The following GBE1 variants were observed in gnomAD, a reference collection of about 807,000 sequenced individuals.
GBE1 encodes 1,4-alpha-glucan-branching enzyme.
Under a neutral mutation model 88.8 loss-of-function variants are expected in GBE1, and 70 were observed. The observed-to-expected ratio is 0.79, with a 90% CI of 0.65 to 0.96. The LOEUF (loss-of-function observed/expected upper bound fraction) is 0.96, where lower values mean the gene tolerates loss of function less well. Among genes scored for constraint, GBE1 ranks in the 40% least tolerant of loss-of-function variants. The pLI is 0.00. For missense variants in GBE1, 872 were observed against 871.0 expected (o/e 1.00, Z -0.01); for synonymous variants, 284 against 300.1 (o/e 0.95, Z 0.56).
intron 14 of GBE1, among the ~76,000 whole-genome samples, chr3:81,532,476 T>C (rs565279217): frequency 6.6e-6 from 1 of 152,086 alleles, no homozygotes; most frequent in African/African-American, 2.4e-5. Flanking sequence ...GGGTTTCGTA[T>C]ACTTTTTCTA....
At chr3:81,742,132 G>A (rs1292696245) in intron 1 of GBE1, among the ~76,000 whole-genome samples, 92 of 151,744 alleles carry the variant, frequency 6.1e-4, no homozygotes, top group Non-Finnish European at 1.2e-4. Context: ...GAGTAGCTTC[G>A]AGAGCCTCTA....
intron 1 of GBE1, among the ~76,000 whole-genome samples, chr3:81,705,960 T>C (rs1248915183): frequency 6.6e-6 from 1 of 152,108 alleles, no homozygotes; most frequent in Non-Finnish European, 1.5e-5. Context: ...ATCTCTCTCC[T>C]CTGATTCCTA....
At chr3:81,754,815 C>A (rs1041777171) in intron 1 of GBE1, among the ~76,000 whole-genome samples, 1 of 152,022 alleles carries the variant, frequency 6.6e-6, no homozygotes, top group Non-Finnish European at 1.5e-5. Flanking sequence ...TCATCATACA[C>A]AAAAATCAAA....
chr3:81,643,595 C>T (rs1480444585), intron 6 of GBE1, among the ~76,000 whole-genome samples: 1 of 152,104 alleles, frequency 6.6e-6, no homozygotes, highest in Admixed American at 6.6e-5. Flanking sequence ...AGAAGAATGC[C>T]TTTCTTAACC....
At chr3:81,707,131 T>C (rs1705788890) in intron 1 of GBE1, among the ~76,000 whole-genome samples, 1 of 152,006 alleles carries the variant, frequency 6.6e-6, no homozygotes, top group Non-Finnish European at 1.5e-5. Flanking sequence ...GCATACAATG[T>C]TTTAAGAAAG....
Position 81,499,183 on chromosome 3 carries a change from T to C in GBE1, c.1979A>G (p.His660Arg), listed in dbSNP as rs372608786. 1 of 1,612,044 alleles carries C rather than the reference T, an allele frequency of 6.2e-7. No individual in the cohort carries two copies. The highest frequency in any genetic ancestry group is 8.5e-7 in the Non-Finnish European group (1 of 1,178,888). ...LDSDAAEYGG[H>R]QRLDHSTDFF... ...GTCAGTGCTGTGGTCCAGTCTCTGA[T>C]GCCCTCCATATTCCGCTGCATCTGA... is the stretch of plus-strand genomic sequence containing the variant. The change falls in exon 15 of 16, where the codon CAT becomes CGT. Residue 660 changes from histidine to arginine, a missense_variant. His to Arg is a conservative substitution (Grantham distance 29, BLOSUM62 0). Coordinates refer to ENST00000429644, the MANE Select transcript of GBE1 (RefSeq NM_000158.4).
Position 81,704,058 on chromosome 3 carries a change from T to C in GBE1, c.313+1386A>G, listed in dbSNP as rs779713148. Among the ~76,000 whole-genome samples the C allele has an allele frequency of 1.2e-4, 18 of 152,016 alleles. 1 individual carries two copies. Among genetic ancestry groups the C allele is most frequent in the Non-Finnish European group, 5.9e-5 (4 of 67,940 alleles). ...ACTTACCATCTTAATTAAGACTTGC[T>C]GTACCCAGATTTCAAAGATGTGGTA... is the stretch of plus-strand genomic sequence containing the variant. On this transcript the variant is annotated intron_variant, in intron 2 of 15. Coordinates refer to ENST00000429644, the MANE Select transcript of GBE1 (RefSeq NM_000158.4).
At chr3:81,526,684 A>G (rs967088807) in intron 14 of GBE1, among the ~76,000 whole-genome samples, 1 of 152,172 alleles carries the variant, frequency 6.6e-6, no homozygotes. Context: ...GACCTCTTTA[A>G]GGAGAACTAC....
At chr3:81,751,863 A>T (rs568163643) in intron 1 of GBE1, among the ~76,000 whole-genome samples, 1 of 152,336 alleles carries the variant, frequency 6.6e-6, no homozygotes, top group Non-Finnish European at 1.5e-5. Context: ...AATTAAATAT[A>T]ACCTGTGGCT....
intron 3 of GBE1, among the ~76,000 whole-genome samples, chr3:81,666,312 A>T (rs1226082600): frequency 6.6e-6 from 1 of 152,216 alleles, no homozygotes; most frequent in Non-Finnish European, 1.5e-5. Flanking sequence ...GCCATTAATG[A>T]TTATAAGAAG....
intron 7 of GBE1, among the ~76,000 whole-genome samples, chr3:81,626,733 T>C (rs1388976570): frequency 2.1e-5 from 2 of 95,484 alleles, no homozygotes; most frequent in African/African-American, 6.1e-5. Flanking sequence ...ATGTTCAGAC[T>C]CATTAAAAAA....
chr3:81,713,203 G>C (rs1007851715), intron 1 of GBE1, among the ~76,000 whole-genome samples: 23 of 152,340 alleles, frequency 1.5e-4, no homozygotes, highest in African/African-American at 5.5e-4. Flanking sequence ...TAGTGATTTT[G>C]ACTGGAAGAA....
intron 12 of GBE1, among the ~76,000 whole-genome samples, chr3:81,553,555 T>G (rs1307059087): frequency 6.6e-6 from 1 of 151,122 alleles, no homozygotes; most frequent in South Asian, 2.1e-4. Context: ...CTTCCATTAG[T>G]AGACTATGTA....
chr3:81,598,917 T>C (rs1274486942), intron 7 of GBE1, among the ~76,000 whole-genome samples: 1 of 152,072 alleles, frequency 6.6e-6, no homozygotes, highest in African/African-American at 2.4e-5. Context: ...TGTGCAACTT[T>C]ATTTTATGTA....
intron 1 of GBE1, among the ~76,000 whole-genome samples, chr3:81,760,262 G>A (rs1706660750): frequency 6.6e-6 from 1 of 152,336 alleles, no homozygotes; most frequent in South Asian, 2.1e-4. Context: ...CCCTAGAGCA[G>A]TGTTTTATTT....
chr3:81,636,201 T>G (rs1358119865), intron 7 of GBE1, among the ~76,000 whole-genome samples: 1 of 152,180 alleles, frequency 6.6e-6, no homozygotes, highest in African/African-American at 2.4e-5. Flanking sequence ...CAGAAGAGAA[T>G]TAGTCTGTCT....
At chr3:81,703,148 C>T (rs939099560) in intron 2 of GBE1, among the ~76,000 whole-genome samples, 2 of 151,890 alleles carry the variant, frequency 1.3e-5, no homozygotes, top group Admixed American at 1.3e-4. Flanking sequence ...AATAGAATGC[C>T]TTGATTATAG....
chr3:81,641,751 C>G (rs1311565930), intron 7 of GBE1, among the ~76,000 whole-genome samples: 1 of 151,646 alleles, frequency 6.6e-6, no homozygotes, highest in Admixed American at 6.6e-5. Context: ...TATAAGTCAT[C>G]TAATTTAGGT....
intron 14 of GBE1, among the ~76,000 whole-genome samples, chr3:81,525,624 T>A (rs2106853460): frequency 6.6e-6 from 1 of 152,258 alleles, no homozygotes; most frequent in South Asian, 2.1e-4. Flanking sequence ...CTTGTCCTTG[T>A]ACCTCTGGTA....
Sources: gnomAD v4.1 joint callset for allele counts (sites outside exome capture counted in the v4.1 genomes callset) on GRCh38, gnomAD v4.1.1 for gene constraint, MANE v1.5 for transcripts, NCBI Gene and HGNC (gene_info 2026-07-23, HGNC 2026-07-21) for gene names.